DYDC1: variants seen among roughly 807,000 people sequenced by gnomAD.
The protein encoded by DYDC1 is DPY30 domain containing 1.
In DYDC1, 21 loss-of-function variants were observed where a neutral mutation model predicts 27.9. The ratio of observed to expected loss-of-function variants is 0.75; its 90% CI spans 0.53 to 1.08. The LOEUF (loss-of-function observed/expected upper bound fraction) is 1.08. Ranked by LOEUF, DYDC1 falls within the 50% of genes least tolerant of loss-of-function variation. The pLI, the probability that DYDC1 is intolerant of heterozygous loss-of-function variation, is 0.00. For missense variants in DYDC1, 202 were observed against 205.9 expected (o/e 0.98, Z 0.12); for synonymous variants, 67 against 65.8 (o/e 1.02, Z -0.09).
At chr10:80,346,994 C>T (rs1040320977) in intron 3 of DYDC1, among the ~76,000 whole-genome samples, 18 of 151,768 alleles carry the variant, frequency 1.2e-4, no homozygotes, top group South Asian at 2.1e-4. Context: ...GCAGGAGAAT[C>T]GCTTGAACCC....
At chr10:80,340,543 C>A (rs1217352921) in intron 4 of DYDC1, among the ~76,000 whole-genome samples, 1 of 152,166 alleles carries the variant, frequency 6.6e-6, no homozygotes, top group Non-Finnish European at 1.5e-5. Flanking sequence ...AGAGACCAAT[C>A]CTTCCTATGG....
chr10:80,339,660 G>T (rs1014982373), intron 4 of DYDC1, among the ~76,000 whole-genome samples: 2 of 152,104 alleles, frequency 1.3e-5, no homozygotes, highest in African/African-American at 2.4e-5. Flanking sequence ...AATAAGGGAG[G>T]CCTCTTTCTG....
chr10:80,350,334 G>A (rs1207815807), intron 3 of DYDC1, among the ~76,000 whole-genome samples: 2 of 152,142 alleles, frequency 1.3e-5, no homozygotes, highest in Non-Finnish European at 2.9e-5. Flanking sequence ...TCCCACTTAC[G>A]ATGTAATTGC....
chr10:80,353,301 T>C (rs1161944473), intron 1 of DYDC1, among the ~76,000 whole-genome samples: 1 of 151,828 alleles, frequency 6.6e-6, no homozygotes, highest in African/African-American at 2.4e-5. Flanking sequence ...CACCCTGGGC[T>C]CTAATTCCAT....
At chr10:80,337,812 G>A (rs1347805549) in intron 6 of DYDC1, among the ~76,000 whole-genome samples, 4 of 152,160 alleles carry the variant, frequency 2.6e-5, no homozygotes, top group African/African-American at 7.2e-5. Context: ...CCCCTTGTCC[G>A]TGTACACCAA....
chr10:80,353,257 T>C (rs1843111750), intron 1 of DYDC1, among the ~76,000 whole-genome samples: 1 of 151,974 alleles, frequency 6.6e-6, no homozygotes, highest in Non-Finnish European at 1.5e-5. Context: ...CTTTTCAAGT[T>C]CACCTCCAGA....
At chr10:80,347,768 C>T (rs1412797372) in intron 3 of DYDC1, among the ~76,000 whole-genome samples, 1 of 152,136 alleles carries the variant, frequency 6.6e-6, no homozygotes, top group Non-Finnish European at 1.5e-5. Context: ...ACCGTATATA[C>T]TTGGGCTTAT....
intron 4 of DYDC1, among the ~76,000 whole-genome samples, chr10:80,341,669 T>C (rs989562972): frequency 6.6e-6 from 1 of 152,040 alleles, no homozygotes. Context: ...GGTATCACTA[T>C]TAGAGAACCC....
At chr10:80,350,765 A>G (rs1246091086) in intron 3 of DYDC1, among the ~76,000 whole-genome samples, 3 of 152,208 alleles carry the variant, frequency 2.0e-5, no homozygotes, top group African/African-American at 2.4e-5. Context: ...TGGTAGAACT[A>G]TGGAAGTGGC....
chr10:80,343,856 G>A (rs1842451140), intron 3 of DYDC1, among the ~76,000 whole-genome samples: 1 of 151,970 alleles, frequency 6.6e-6, no homozygotes, highest in Non-Finnish European at 1.5e-5. Flanking sequence ...AGAATTGGCT[G>A]GGCATGGTGG....
At position 80,351,885 on chromosome 10, in the gene DYDC1, C is replaced by A; in HGVS notation, c.249+16G>T. 5 of 1,613,546 alleles carry A rather than the reference C, an allele frequency of 3.1e-6. No individual in the cohort carries two copies. Among genetic ancestry groups the A allele is most frequent in the Non-Finnish European group, 4.2e-6 (5 of 1,179,576 alleles). ...CGTTAATTCCAGTCCCCTCTGAACT[C>A]TCCTACTTGCCTCACCTGCTGAAGT... On this transcript the variant is annotated intron_variant, in intron 3 of 6. Coordinates refer to ENST00000372202, the MANE Select transcript of DYDC1 (RefSeq NM_001269053.2).
chr10:80,336,279 G>A (rs578089652), intron 6 of DYDC1, 94 bp from the exon 7 acceptor site: 127 of 1,431,102 alleles, frequency 8.9e-5, no homozygotes, highest in Non-Finnish European at 1.1e-4. Flanking sequence ...ACTTCTATGT[G>A]ACTACATGAA....
intron 3 of DYDC1, among the ~76,000 whole-genome samples, chr10:80,346,487 G>A (rs1165377745): frequency 1.1e-5 from 1 of 90,642 alleles, no homozygotes; most frequent in African/African-American, 6.3e-5. Context: ...TTGAGACGGA[G>A]TCTCACTCTG....
rs528771844 is a variant in DYDC1, at chr10:80,341,642, C to T, written c.342+627G>A. Among the ~76,000 whole-genome samples the T allele has an allele frequency of 3.9e-5, 6 of 151,924 alleles. No homozygotes were observed. The South Asian group carries it at 1.3e-3, about 32-fold the overall frequency. ...TACTGTAACTAGGAACAGCTAACTC[C>T]TGACTAAAATGTTGAGGGTATCACT... On this transcript the variant is annotated intron_variant, in intron 4 of 6. Transcript: ENST00000372202.
intron 4 of DYDC1, among the ~76,000 whole-genome samples, chr10:80,341,378 G>A (rs1352110367): frequency 1.4e-5 from 2 of 147,106 alleles, no homozygotes; most frequent in East Asian, 2.0e-4. Context: ...GGGAGGTGGA[G>A]GTTGCAGTGA....
At chr10:80,336,084 T>C, downstream of DYDC1, 1 of 1,048,742 alleles carries the variant, frequency 9.5e-7, no homozygotes. Context: ...AGGAAAAAAA[T>C]ACAAATTGGG....
intron 3 of DYDC1, among the ~76,000 whole-genome samples, chr10:80,350,695 G>A (rs1207024030): frequency 6.6e-6 from 1 of 152,132 alleles, no homozygotes; most frequent in Non-Finnish European, 1.5e-5. Flanking sequence ...CAAATAATAG[G>A]CTTCTTTCCC....
At chr10:80,337,788 T>C (rs934359953) in intron 6 of DYDC1, among the ~76,000 whole-genome samples, 1 of 152,202 alleles carries the variant, frequency 6.6e-6, no homozygotes, top group Non-Finnish European at 1.5e-5. Context: ...GTTCCTCAAC[T>C]GTGCTGGCTG....
chr10:80,337,040 T>A (rs929335049), intron 6 of DYDC1: 13 of 846,532 alleles, frequency 1.5e-5, no homozygotes, highest in Non-Finnish European at 1.8e-5. Flanking sequence ...TCTGCCTTTA[T>A]CCACCTCTCC....
Sources: allele counts gnomAD v4.1 joint callset (sites outside exome capture counted in the v4.1 genomes callset), GRCh38; gene constraint gnomAD v4.1.1; transcripts MANE v1.5; gene names NCBI Gene and HGNC (gene_info 2026-07-23, HGNC 2026-07-21).